Variants in PRCP observed in about 807,000 individuals in gnomAD.
PRCP encodes the protein lysosomal Pro-X carboxypeptidase.
A neutral mutation model predicts 54.2 loss-of-function variants in PRCP; 46 were observed. The observed-to-expected ratio is 0.85, with a 90% CI of 0.67 to 1.09. The LOEUF is 1.09. PRCP is among the 50% of genes least tolerant of loss of function. PRCP has a pLI of 0.00. For missense variants in PRCP, 613 were observed against 596.8 expected (o/e 1.03, Z -0.28); for synonymous variants, 240 against 212.2 (o/e 1.13, Z -1.14).
chr11:82,889,635 TG>T (rs1266933698), intron 1 of PRCP, among the ~76,000 whole-genome samples: 1 of 151,586 alleles, frequency 6.6e-6, no homozygotes, highest in African/African-American at 2.4e-5. Flanking sequence ...AAAAATGGAA[TG>T]GGATTGATAA....
chr11:82,865,363 TC>T (rs764936085), intron 1 of PRCP, among the ~76,000 whole-genome samples: 54 of 152,284 alleles, frequency 3.5e-4, no homozygotes, highest in Admixed American at 8.5e-4. Context: ...AGGACAAATC[TC>T]CCAGCCATTT....
chr11:82,900,571 C>T, upstream of PRCP: 1 of 876,304 alleles, frequency 1.1e-6, no homozygotes. Flanking sequence ...GCCAGGTCAC[C>T]ACAGCCACTC....
At chr11:82,847,448 G>A (rs996214515) in intron 6 of PRCP, among the ~76,000 whole-genome samples, 4 of 152,206 alleles carry the variant, frequency 2.6e-5, no homozygotes, top group Admixed American at 2.0e-4. Context: ...TTTCTACACA[G>A]TACTTTTAAA....
chr11:82,837,940 T>C (rs1023781975), intron 8 of PRCP, among the ~76,000 whole-genome samples: 2 of 152,222 alleles, frequency 1.3e-5, no homozygotes, highest in African/African-American at 4.8e-5. Flanking sequence ...AAAAAGGGGC[T>C]ATAAAAACTA....
intron 6 of PRCP, among the ~76,000 whole-genome samples, chr11:82,844,732 C>CAAAAA (rs11284339): frequency 1.1e-5 from 1 of 91,200 alleles, no homozygotes; most frequent in African/African-American, 4.0e-5. Context: ...GGCTCCGTCT[C>CAAAAA]AAAAAAAAAA....
At position 82,860,000 on chromosome 11, in the gene PRCP, T is replaced by C. The variant is rs765854368; in HGVS notation, c.286A>G (p.Ile96Val). Residue 96 changes from isoleucine (I) to valine (V), a missense_variant, in exon 2 of 9, where the codon ATT (isoleucine) becomes GTT (valine). Transcript: ENST00000313010. ...ILFYTGNEGD[I>V]IWFCNNTGFM... ...ACCGTGTTATTACAAAACCAGATAATGTCCCCTTCATTACCAGTGTAGAAA... is the reference window on the plus strand; with the variant it reads ...ACCGTGTTATTACAAAACCAGATAACGTCCCCTTCATTACCAGTGTAGAAA... The C allele has an allele frequency of 4.4e-6, 7 of 1,587,340 alleles. No individual in the cohort carries two copies. Among genetic ancestry groups the C allele is most frequent in the Middle Eastern group, 3.3e-4 (2 of 6,020 alleles).
chr11:82,851,480 G>T (rs11233345), intron 3 of PRCP, among the ~76,000 whole-genome samples: 1 of 147,582 alleles, frequency 6.8e-6, no homozygotes, highest in Non-Finnish European at 1.5e-5. Context: ...GTTTTATCTC[G>T]TATGTGAGTA....
chr11:82,900,460 G>T, upstream of PRCP: 1 of 1,565,422 alleles, frequency 6.4e-7, no homozygotes, highest in Non-Finnish European at 8.6e-7. Context: ...CAGCAGAAGC[G>T]CACAGGCTAA....
chr11:82,885,033 C>A, intron 1 of PRCP: 3 of 1,274,098 alleles, frequency 2.4e-6, no homozygotes, highest in Non-Finnish European at 3.1e-6. Context: ...GCAATTTGTT[C>A]TGAGTGGTCA....
At chr11:82,830,347 G>T (rs557309611) in intron 8 of PRCP, 1 of 151,816 alleles carries the variant, frequency 6.6e-6, no homozygotes, top group Non-Finnish European at 1.5e-5. Context: ...GCCTGCGCTG[G>T]CCAGGCACGG....
intron 1 of PRCP, among the ~76,000 whole-genome samples, chr11:82,892,983 G>A (rs1183349529): frequency 6.6e-6 from 1 of 152,280 alleles, no homozygotes; most frequent in East Asian, 1.9e-4. Flanking sequence ...GTAGGTGGGT[G>A]GGTAAGTGAC....
intron 2 of PRCP, chr11:82,858,467 C>T (rs1328022452): frequency 6.6e-6 from 1 of 152,228 alleles, no homozygotes; most frequent in Non-Finnish European, 1.5e-5. Context: ...AGGATCTGCT[C>T]TTCTATGATC....
At chr11:82,848,815 A>G (rs1858873035) in intron 6 of PRCP, among the ~76,000 whole-genome samples, 1 of 152,188 alleles carries the variant, frequency 6.6e-6, no homozygotes, top group African/African-American at 2.4e-5. Context: ...CAACTCTATA[A>G]TCAATGAATT....
In PRCP at chr11:82,831,367, A is replaced by G. The variant is rs138999872; in HGVS notation, c.1275-6245T>C. ...AATGTTTACTGATTGCCTATTATAT[A>G]TCAGGCACTGATTGGGCACGGGACT... On this transcript the variant is annotated intron_variant, in intron 8 of 8. Transcript: ENST00000313010. 15 of 152,366 alleles carry G rather than the reference A, an allele frequency of 9.8e-5. 1 individual carries two copies. In the East Asian group the frequency reaches 2.9e-3, roughly 29 times the overall value. 9.4% of individuals were successfully genotyped at this position (152,366 alleles called of 1,614,324 possible).
intron 6 of PRCP, among the ~76,000 whole-genome samples, chr11:82,841,254 A>C (rs537140655): frequency 6.7e-6 from 1 of 149,576 alleles, no homozygotes. Context: ...GCCTGGCACC[A>C]GCTGCCAGCG....
intron 6 of PRCP, chr11:82,845,915 G>A (rs939011755): frequency 1.3e-5 from 2 of 152,268 alleles, no homozygotes; most frequent in South Asian, 4.1e-4. Context: ...TGCAGCTTCT[G>A]TTAACAGTAA....
intron 6 of PRCP, among the ~76,000 whole-genome samples, chr11:82,842,920 T>G (rs997944944): frequency 2.0e-5 from 3 of 152,228 alleles, no homozygotes; most frequent in African/African-American, 7.2e-5. Context: ...TTGCACTTCC[T>G]TAACAATTTT....
chr11:82,895,458 C>G (rs1313973126), intron 1 of PRCP, among the ~76,000 whole-genome samples: 1 of 152,138 alleles, frequency 6.6e-6, no homozygotes, highest in African/African-American at 2.4e-5. Context: ...GCCACCACAC[C>G]CAGCACTAAA....
chr11:82,866,968 T>C (rs887075809), intron 1 of PRCP, among the ~76,000 whole-genome samples: 1 of 152,114 alleles, frequency 6.6e-6, no homozygotes, highest in African/African-American at 2.4e-5. Context: ...GTGATCCACC[T>C]GCCTCAGCCT....
Sources: allele counts gnomAD v4.1 joint callset (sites outside exome capture counted in the v4.1 genomes callset), GRCh38; gene constraint gnomAD v4.1.1; transcripts MANE v1.5; gene names NCBI Gene and HGNC (gene_info 2026-07-23, HGNC 2026-07-21).